HAAO: variants seen among roughly 807,000 people sequenced by gnomAD.
The protein encoded by HAAO is 3-hydroxyanthranilate oxygenase.
In HAAO, 49 loss-of-function variants were observed where a neutral mutation model predicts 46.2. That is an observed-to-expected ratio of 1.06 (90% CI 0.84 to 1.34). The LOEUF (loss-of-function observed/expected upper bound fraction) is 1.34, where lower values mean the gene tolerates loss of function less well. HAAO is among the 40% of genes most tolerant of loss of function. The pLI is 0.00. For synonymous variants in HAAO, 157 were observed against 145.2 expected, an observed-to-expected ratio of 1.08 and a Z score of -0.58; for missense variants, 408 against 364.5, an observed-to-expected ratio of 1.12 and a Z score of -0.97.
At chr2:42,783,285 T>C (rs1455312534) in intron 4 of HAAO, 29 bp downstream of exon 4, 1 of 1,376,200 alleles carries the variant, frequency 7.3e-7, no homozygotes, top group African/African-American at 1.4e-5. Flanking sequence ...TTGCCCTTTC[T>C]CTGCCCCAGC....
At chr2:42,783,937 C>T in intron 2 of HAAO, 70 bp from the exon 3 acceptor site, 1 of 1,554,432 alleles carries the variant, frequency 6.4e-7, no homozygotes, top group Non-Finnish European at 8.7e-7. Context: ...TGCCCAGGCC[C>T]TGAATTCTGA....
At chr2:42,791,722 A>G (rs936564944) in intron 1 of HAAO, among the ~76,000 whole-genome samples, 1 of 152,196 alleles carries the variant, frequency 6.6e-6, no homozygotes, top group East Asian at 1.9e-4. Flanking sequence ...TCCTGTGGAC[A>G]CAGCAAAAAT....
At chr2:42,778,303 C>G (rs1181692199) in intron 4 of HAAO, among the ~76,000 whole-genome samples, 1 of 151,114 alleles carries the variant, frequency 6.6e-6, no homozygotes, top group Non-Finnish European at 1.5e-5. Context: ...GGCTTTGACT[C>G]CTGGGTCTAA....
In HAAO at chr2:42,767,996, C is replaced by A. The variant is rs1416790203; in HGVS notation, c.631-68G>T. On this transcript the variant is annotated intron_variant, in intron 7 of 9. Coordinates refer to ENST00000294973, the MANE Select transcript of HAAO (RefSeq NM_012205.3). ...ACATGGGAGATGGTCTTGAACCTGG[C>A]CCCCAGACACCAGGCCTGCTTGGAG... The A allele has an allele frequency of 4.4e-6, 6 of 1,356,382 alleles. No homozygotes were observed. The East Asian group carries it at 1.1e-4, about 26-fold the overall frequency. The allele number at this position is 1,356,382 out of a possible 1,614,324, so 84.0% of individuals were successfully genotyped here. A position where few individuals can be genotyped will look rare whatever the true frequency, so the allele number is the denominator to read the frequency against.
At chr2:42,788,082 G>A (rs973255274) in intron 2 of HAAO, among the ~76,000 whole-genome samples, 51 of 152,090 alleles carry the variant, frequency 3.4e-4, no homozygotes, top group Non-Finnish European at 4.4e-4. Context: ...TCAGCCCCTC[G>A]AACTCCCTCT....
In HAAO at chr2:42,769,850, GCAGCTGGT is replaced by G; in HGVS notation, c.485_492del (p.Asp162AlafsTer44). 6.2e-7 allele frequency: 1 copy of G among 1,610,514 alleles called. No individual in the cohort carries two copies. Among genetic ancestry groups the G allele is most frequent in the Non-Finnish European group, 8.5e-7 (1 of 1,178,344 alleles). Reference sequence around the variant, plus strand: ...CTCAGAGGGAATGGTGGCTCCTTGAGCAGCTGGTCTGCACCCACAGCATGACTATAGTC... The same window carrying G: ...CTCAGAGGGAATGGTGGCTCCTTGAGCTGCACCCACAGCATGACTATAGTC... On this transcript the variant is annotated frameshift_variant and splice_region_variant, in exon 7 of 10. Coordinates refer to ENST00000294973, the MANE Select transcript of HAAO (RefSeq NM_012205.3). LOFTEE classifies it high-confidence loss of function.
intron 3 of HAAO, 133 bp downstream of exon 3, chr2:42,783,651 G>T: frequency 1.3e-6 from 1 of 773,976 alleles, no homozygotes; most frequent in South Asian, 1.7e-5. Context: ...GGGGCAGGTT[G>T]GCAGGGGAAG....
At chr2:42,788,477 G>T in intron 2 of HAAO, 52 bp downstream of exon 2, 1 of 1,191,096 alleles carries the variant, frequency 8.4e-7, no homozygotes, top group Non-Finnish European at 1.3e-6. Context: ...CTCCCGCTAG[G>T]GCCAGGCTCC....
chr2:42,792,473 C>G lies in HAAO; in HGVS notation c.64G>C (p.Val22Leu), dbSNP rs759969114. The G allele has an allele frequency of 1.2e-4, 183 of 1,589,698 alleles. No individual in the cohort carries two copies. The highest frequency in any genetic ancestry group is 1.5e-4 in the Non-Finnish European group (180 of 1,168,488). The change falls in exon 1 of 10, where the codon GTC (valine) becomes CTC (leucine). Residue 22 changes from valine (V) to leucine (L), a missense_variant. By Grantham distance (32) the Val-to-Leu change is conservative. Transcript: ENST00000294973. Reference protein sequence around the residue: ...KENRGSFQPPVCNKLMHQEQL... With the variant: ...KENRGSFQPPLCNKLMHQEQL... ...TGGACTCACATGAGCTTGTTGCAGA[C>G]CGGGGGCTGGAAGGAGCCCCGGTTC...
chr2:42,767,175 C>T lies in HAAO; in HGVS notation c.*262G>A, dbSNP rs1055467437. On this transcript the variant is annotated 3_prime_UTR_variant, in exon 10 of 10. Transcript: ENST00000294973. ...GCAGGGACAGAGGAATGGGCAGGAG[C>T]GGGGCCGGGGGTAGACCACCTGGCA... 2.1e-5 allele frequency: 12 copies of T among 575,616 alleles called. No homozygotes were observed. Among genetic ancestry groups the T allele is most frequent in the Admixed American group, 9.0e-5 (3 of 33,366 alleles). The allele number at this position is 575,616 out of a possible 1,614,324, so 35.7% of individuals were successfully genotyped here.
At chr2:42,776,428 G>C (rs1425278774) in intron 4 of HAAO, among the ~76,000 whole-genome samples, 1 of 151,302 alleles carries the variant, frequency 6.6e-6, no homozygotes, top group East Asian at 1.9e-4. Context: ...AGTAGAGATG[G>C]GGTTTCTCCA....
intron 4 of HAAO, among the ~76,000 whole-genome samples, chr2:42,771,777 C>T (rs1558661196): frequency 6.6e-6 from 1 of 152,252 alleles, no homozygotes; most frequent in Non-Finnish European, 1.5e-5. Flanking sequence ...TGGGCCCAGG[C>T]CAGCTCTGTC....
intron 8 of HAAO, 72 bp downstream of exon 8, chr2:42,767,788 G>T: frequency 1.9e-6 from 3 of 1,561,998 alleles, no homozygotes; most frequent in East Asian, 2.2e-5. Flanking sequence ...CCGTGTGGGA[G>T]CCCAGGGCCG....
chr2:42,767,945 CAG>C lies in HAAO; in HGVS notation c.631-19_631-18del. 5 of 1,611,218 alleles carry C rather than the reference CAG, an allele frequency of 3.1e-6. No homozygotes were observed. The highest frequency in any genetic ancestry group is 1.1e-5 in the South Asian group (1 of 91,042). ...GGCGATCACCTGGTGGGAGGTGAAACAGAAACTTCTGGTGCTTCTTGCCCCAC... is the reference window on the plus strand; with the variant it reads ...GGCGATCACCTGGTGGGAGGTGAAACAAACTTCTGGTGCTTCTTGCCCCAC... On this transcript the variant is annotated intron_variant, in intron 7 of 9. Coordinates refer to ENST00000294973, the MANE Select transcript of HAAO (RefSeq NM_012205.3).
rs112064160 is a variant in HAAO at position 42,791,319 on chromosome 2, G to A, written c.80+1138C>T. On this transcript the variant is annotated intron_variant, in intron 1 of 9. Transcript: ENST00000294973. Reference sequence around the variant, plus strand: ...ACCACCAAATGCTAGGGAGAGGCCCGGGCAGATGGACGCGAGACCTCAGGG... The same window carrying A: ...ACCACCAAATGCTAGGGAGAGGCCCAGGCAGATGGACGCGAGACCTCAGGG... 5.4e-3 allele frequency among the ~76,000 whole-genome samples: 821 copies of A among 152,248 alleles called. 1 individual carries two copies. Among genetic ancestry groups the A allele is most frequent in the Non-Finnish European group, 7.1e-3 (484 of 68,018 alleles).
intron 2 of HAAO, 93 bp downstream of exon 2, chr2:42,788,436 T>C (rs1275877293): frequency 1.2e-6 from 1 of 823,212 alleles, no homozygotes; most frequent in East Asian, 2.4e-5. Flanking sequence ...CTCCAGTCCA[T>C]CATCTCTGGG....
chr2:42,790,713 G>A (rs1672731874), intron 1 of HAAO, among the ~76,000 whole-genome samples: 2 of 152,010 alleles, frequency 1.3e-5, no homozygotes, highest in Non-Finnish European at 2.9e-5. Context: ...TGTATTTTTA[G>A]CAGAGACGGG....
chr2:42,777,076 T>C (rs1016773366), intron 4 of HAAO, among the ~76,000 whole-genome samples: 3 of 151,400 alleles, frequency 2.0e-5, no homozygotes, highest in African/African-American at 7.3e-5. Context: ...CCGAGGTGGG[T>C]TGATCACCTG....
chr2:42,786,190 C>CGATATTGTCTCTATTTTCT (rs1423713190), intron 2 of HAAO, among the ~76,000 whole-genome samples: 2 of 152,120 alleles, frequency 1.3e-5, no homozygotes, highest in African/African-American at 4.8e-5. Flanking sequence ...GCAGGCTATA[C>CGATATTGTCTCTATTTTCT]GATATTGTCT....
Sources: allele counts gnomAD v4.1 joint callset (sites outside exome capture counted in the v4.1 genomes callset), GRCh38; gene constraint gnomAD v4.1.1; transcripts MANE v1.5; gene names NCBI Gene and HGNC (gene_info 2026-07-23, HGNC 2026-07-21).